The following CREB5 variants were observed in gnomAD, a reference collection of about 807,000 sequenced individuals.
CREB5 encodes the protein cyclic AMP-responsive element-binding protein 5.
A neutral mutation model predicts 57.1 loss-of-function variants in CREB5; 19 were observed. The observed-to-expected ratio is 0.33, with a 90% CI of 0.23 to 0.49. The LOEUF is 0.49. CREB5 is among the 20% of genes least tolerant of loss of function. The pLI, the probability that CREB5 is intolerant of heterozygous loss-of-function variation, is 0.99. For missense variants in CREB5, 579 were observed against 671.6 expected, an observed-to-expected ratio of 0.86 and a Z score of 1.52; for synonymous variants, 238 against 238.3, an observed-to-expected ratio of 1.00 and a Z score of 0.01.
chr7:28,557,359 A>G (rs1011637011), intron 4 of CREB5, among the ~76,000 whole-genome samples: 1 of 152,220 alleles, frequency 6.6e-6, no homozygotes, highest in Non-Finnish European at 1.5e-5. Flanking sequence ...GGGATTATAT[A>G]CGAAAATGAA....
chr7:28,529,325 C>A (rs1484371649), intron 4 of CREB5, among the ~76,000 whole-genome samples: 2 of 149,584 alleles, frequency 1.3e-5, no homozygotes, highest in South Asian at 2.1e-4. Flanking sequence ...AGGTGGGAAG[C>A]ACTTCCCTGT....
At chr7:28,344,831 T>C (rs1196771502) in intron 1 of CREB5, among the ~76,000 whole-genome samples, 1 of 152,022 alleles carries the variant, frequency 6.6e-6, no homozygotes, top group East Asian at 1.9e-4. Context: ...TCCATGCCAA[T>C]GGTAATCATA....
chr7:28,693,618 G>A (rs1162420277), intron 5 of CREB5, among the ~76,000 whole-genome samples: 1 of 152,214 alleles, frequency 6.6e-6, no homozygotes, highest in Admixed American at 6.5e-5. Context: ...ATGAGATTGG[G>A]CCCTGTGGAT....
At chr7:28,610,133 G>GCC (rs773130840) in intron 5 of CREB5, among the ~76,000 whole-genome samples, 116 of 152,254 alleles carry the variant, frequency 7.6e-4, no homozygotes, top group Non-Finnish European at 1.2e-3. Flanking sequence ...GTCCTTCTGG[G>GCC]CCCTGGGGTA....
chr7:28,538,486 T>C (rs1794070176), intron 4 of CREB5, among the ~76,000 whole-genome samples: 1 of 152,350 alleles, frequency 6.6e-6, no homozygotes, highest in East Asian at 1.9e-4. Context: ...ATGACTCTTC[T>C]CTTTTTTTCT....
intron 1 of CREB5, among the ~76,000 whole-genome samples, chr7:28,435,131 T>C (rs2128557529): frequency 7.1e-6 from 1 of 141,358 alleles, no homozygotes; most frequent in East Asian, 2.2e-4. Context: ...AACCTATAAC[T>C]AGCTGTGAGT....
chr7:28,687,527 C>G (rs959398147), intron 5 of CREB5, among the ~76,000 whole-genome samples: 2 of 147,678 alleles, frequency 1.4e-5, no homozygotes, highest in African/African-American at 5.0e-5. Context: ...TGGGTGCTTT[C>G]TGACACCATC....
At chr7:28,609,515 A>G (rs1797304425) in intron 5 of CREB5, among the ~76,000 whole-genome samples, 1 of 152,264 alleles carries the variant, frequency 6.6e-6, no homozygotes, top group South Asian at 2.1e-4. Flanking sequence ...AAAATAGAAC[A>G]ATCCTCTTGC....
At chr7:28,585,120 G>A (rs370984716) in intron 5 of CREB5, among the ~76,000 whole-genome samples, 15 of 152,144 alleles carry the variant, frequency 9.9e-5, no homozygotes, top group African/African-American at 3.6e-4. Context: ...CTTTAGCCTC[G>A]AATGTTCTGC....
intron 1 of CREB5, among the ~76,000 whole-genome samples, chr7:28,478,982 A>G (rs184239271): frequency 6.6e-6 from 1 of 152,352 alleles, no homozygotes; most frequent in Non-Finnish European, 1.5e-5. Context: ...TTTAATTGGC[A>G]TTGAATCTGG....
At chr7:28,390,191 TC>T (rs1787189164) in intron 1 of CREB5, among the ~76,000 whole-genome samples, 2 of 152,162 alleles carry the variant, frequency 1.3e-5, no homozygotes, top group Non-Finnish European at 2.9e-5. Context: ...TGCCTGGGGC[TC>T]TGCTGATGAA....
intron 1 of CREB5, among the ~76,000 whole-genome samples, chr7:28,402,411 A>T (rs1280647105): frequency 6.6e-6 from 1 of 152,198 alleles, no homozygotes; most frequent in East Asian, 1.9e-4. Context: ...ACGCTACCTG[A>T]CTTCAAGCTG....
chr7:28,816,126 G>T (rs566200034), intron 9 of CREB5, among the ~76,000 whole-genome samples: 1 of 149,730 alleles, frequency 6.7e-6, no homozygotes, highest in Admixed American at 6.6e-5. Flanking sequence ...TTGTTTGGTT[G>T]TTTTTTTTTA....
At chr7:28,485,276 T>C (rs1791503635) in intron 1 of CREB5, among the ~76,000 whole-genome samples, 1 of 152,166 alleles carries the variant, frequency 6.6e-6, no homozygotes, top group African/African-American at 2.4e-5. Flanking sequence ...TTATCATTAA[T>C]GACCACTTTC....
At chr7:28,383,373 T>C (rs903746623) in intron 1 of CREB5, among the ~76,000 whole-genome samples, 5 of 152,184 alleles carry the variant, frequency 3.3e-5, no homozygotes, top group African/African-American at 1.2e-4. Flanking sequence ...CATTCTTGCA[T>C]TGTTGTAAAG....
intron 1 of CREB5, among the ~76,000 whole-genome samples, chr7:28,361,658 GT>G (rs1164255861): frequency 6.6e-6 from 1 of 152,174 alleles, no homozygotes; most frequent in African/African-American, 2.4e-5. Context: ...CTTGGTTCCT[GT>G]CTTTTTCAGG....
intron 7 of CREB5, among the ~76,000 whole-genome samples, chr7:28,757,427 C>A (rs1396746316): frequency 2.6e-5 from 4 of 152,144 alleles, no homozygotes; most frequent in African/African-American, 9.7e-5. Context: ...AATCCCAGCA[C>A]TTTGGGAGGC....
intron 1 of CREB5, among the ~76,000 whole-genome samples, chr7:28,391,186 T>C (rs1343706221): frequency 6.6e-6 from 1 of 152,216 alleles, no homozygotes; most frequent in Non-Finnish European, 1.5e-5. Context: ...AAATTAATAT[T>C]ACATCATAAT....
At chr7:28,525,285 G>A (rs57472537) in intron 4 of CREB5, among the ~76,000 whole-genome samples, 14,201 of 152,130 alleles carry the variant, frequency 0.093, 849 homozygotes, top group African/African-American at 0.17. Context: ...TGCAATAAAT[G>A]TGGAAGAGCA....
Sources: allele counts gnomAD v4.1 joint callset (sites outside exome capture counted in the v4.1 genomes callset), GRCh38; gene constraint gnomAD v4.1.1; transcripts MANE v1.5; gene names NCBI Gene and HGNC (gene_info 2026-07-23, HGNC 2026-07-21).